The following ACSBG1 variants were observed in gnomAD, a reference collection of about 807,000 sequenced individuals.
ACSBG1 encodes the protein acyl-CoA synthetase bubblegum family member 1.
ACSBG1 carries 39 observed loss-of-function variants against 80.2 expected under a neutral mutation model. The ratio of observed to expected loss-of-function variants is 0.49; its 90% CI spans 0.38 to 0.64. The LOEUF is 0.64. Among genes scored for constraint, ACSBG1 ranks in the 30% least tolerant of loss-of-function variants. The pLI, the probability that ACSBG1 is intolerant of heterozygous loss-of-function variation, is 0.00. For missense variants in ACSBG1, 828 were observed against 966.4 expected (o/e 0.86, Z 1.90); for synonymous variants, 392 against 379.5 (o/e 1.03, Z -0.38).
intron 1 of ACSBG1, among the ~76,000 whole-genome samples, chr15:78,218,010 A>G (rs1169296560): frequency 6.6e-6 from 1 of 152,184 alleles, no homozygotes; most frequent in Non-Finnish European, 1.5e-5. Context: ...CAAAGCTGAC[A>G]TAATTTCAGC....
chr15:78,225,299 G>C (rs1190270183), intron 1 of ACSBG1, among the ~76,000 whole-genome samples: 2 of 151,914 alleles, frequency 1.3e-5, no homozygotes, highest in Admixed American at 6.6e-5. Flanking sequence ...TGCTTGGGAG[G>C]TTGAGGCAGG....
rs527360632 is a variant in ACSBG1 at position 78,194,117 on chromosome 15, G to C, written c.454-97C>G. ...CCACCCAGACTGCAGGGGACCTGCA[G>C]GCTCCACCCTCCCAGGGTCCCCTCA... On this transcript the variant is annotated intron_variant, in intron 3 of 13. Transcript: ENST00000258873. The C allele has an allele frequency of 5.0e-6, 6 of 1,204,646 alleles. 1 individual carries two copies. In the East Asian group the frequency reaches 9.8e-5, roughly 20 times the overall value. 74.6% of individuals were successfully genotyped at this position (1,204,646 alleles called of 1,614,324 possible). A position where few individuals can be genotyped will look rare whatever the true frequency, so the allele number is the denominator to read the frequency against.
intron 1 of ACSBG1, among the ~76,000 whole-genome samples, chr15:78,223,707 G>C (rs573732431): frequency 7.5e-4 from 114 of 152,322 alleles, no homozygotes; most frequent in Non-Finnish European, 1.4e-3. Flanking sequence ...CCAGCAAATG[G>C]AAAGCTGTTA....
chr15:78,181,494 T>C (rs976683327), intron 8 of ACSBG1, among the ~76,000 whole-genome samples: 16 of 141,446 alleles, frequency 1.1e-4, no homozygotes, highest in Middle Eastern at 6.9e-3. Context: ...GGTTTCTTTT[T>C]TTTTTTTTTT....
At chr15:78,229,269 T>G (rs2075428176) in intron 1 of ACSBG1, among the ~76,000 whole-genome samples, 1 of 152,208 alleles carries the variant, frequency 6.6e-6, no homozygotes, top group African/African-American at 2.4e-5. Context: ...AATGAATGCA[T>G]TCTTAACAAA....
In ACSBG1 at chr15:78,171,169, C is replaced by G; in HGVS notation, c.*275G>C. 1 of 282,314 alleles carries G rather than the reference C, an allele frequency of 3.5e-6. No individual in the cohort carries two copies. Among genetic ancestry groups the G allele is most frequent in the Non-Finnish European group, 6.8e-6 (1 of 147,620 alleles). The allele number at this position is 282,314 out of a possible 1,614,324, so 17.5% of individuals were successfully genotyped here. A position where few individuals can be genotyped will look rare whatever the true frequency, so the allele number is the denominator to read the frequency against. ...GGAACTAAGGCCAAAAATTATCAGC[C>G]CTTTCGTTCTGGAAGGAGAGCTGAT... On this transcript the variant is annotated 3_prime_UTR_variant, in exon 14 of 14. Transcript: ENST00000258873.
rs542716121 is a variant in ACSBG1, at chr15:78,208,282, T to C, written c.132-180A>G. On this transcript the variant is annotated intron_variant, in intron 1 of 13. Coordinates refer to ENST00000258873, the MANE Select transcript of ACSBG1 (RefSeq NM_015162.5). ...CCAGTGGGAGTCAGGGGACAAGACCTCAGTGGTTGTAGGGGCTGACCCTGC... is the reference window on the plus strand; with the variant it reads ...CCAGTGGGAGTCAGGGGACAAGACCCCAGTGGTTGTAGGGGCTGACCCTGC... 2.0e-5 allele frequency among the ~76,000 whole-genome samples: 3 copies of C among 152,130 alleles called. No individual in the cohort carries two copies. In the East Asian group the frequency reaches 5.8e-4, roughly 29 times the overall value.
At chr15:78,193,848 CT>C in intron 4 of ACSBG1, 83 bp downstream of exon 4, 1 of 1,517,672 alleles carries the variant, frequency 6.6e-7, no homozygotes, top group East Asian at 2.4e-5. Flanking sequence ...TGGGTGGGGG[CT>C]GCTAAAAAGA....
At chr15:78,207,928 ACCC>A in intron 2 of ACSBG1, 71 bp downstream of exon 2, 2 of 383,778 alleles carry the variant, frequency 5.2e-6, no homozygotes, top group Non-Finnish European at 1.0e-5. Context: ...CCCCCACACC[ACCC>A]ACCCCTCCAG....
Position 78,178,849 on chromosome 15 carries a change from G to A in ACSBG1, c.1485-18C>T, listed in dbSNP as rs753417758. The A allele has an allele frequency of 2.1e-5, 33 of 1,591,058 alleles. 1 individual carries two copies. Among genetic ancestry groups the A allele is most frequent in the South Asian group, 9.0e-5 (8 of 88,400 alleles). On this transcript the variant is annotated intron_variant, in intron 10 of 13. Coordinates refer to ENST00000258873, the MANE Select transcript of ACSBG1 (RefSeq NM_015162.5). This position sits in a 1 kb window ranked among gnomAD's most constrained non-coding sequence, Gnocchi z 4.3. Reference sequence around the variant, plus strand: ...TGCCTGAGCTGGCGAGGGAGGGGCCGGGAGACTGGTCAGAGGGAGCCGTCT... The same window carrying A: ...TGCCTGAGCTGGCGAGGGAGGGGCCAGGAGACTGGTCAGAGGGAGCCGTCT...
chr15:78,176,043 C>G (rs1313572904), intron 11 of ACSBG1, among the ~76,000 whole-genome samples: 2 of 149,902 alleles, frequency 1.3e-5, no homozygotes, highest in African/African-American at 5.0e-5. Context: ...AAAATTTTTA[C>G]AGCAAACATA....
intron 1 of ACSBG1, among the ~76,000 whole-genome samples, chr15:78,223,048 C>T (rs2075371045): frequency 6.6e-6 from 1 of 152,184 alleles, no homozygotes; most frequent in South Asian, 2.1e-4. Flanking sequence ...GGACTGCCTT[C>T]TAACTAACAC....
In ACSBG1 at chr15:78,178,598, G is replaced by A. The variant is rs374210790; in HGVS notation, c.1702+16C>T. On this transcript the variant is annotated intron_variant, in intron 11 of 13. Transcript: ENST00000258873. The surrounding 1 kb of genome is among the most constrained non-coding windows in gnomAD (Gnocchi z 4.3). ...ATTACAGGCATGAGCCACCGTGCCT[G>A]GCCTGGGGTGCTCACCTTTGAGGCG... The A allele has an allele frequency of 5.2e-4, 824 of 1,597,566 alleles. No homozygotes were observed. The highest frequency in any genetic ancestry group is 9.1e-4 in the South Asian group (81 of 88,982).
chr15:78,174,789 A>G, intron 11 of ACSBG1: 1 of 493,184 alleles, frequency 2.0e-6, no homozygotes. Context: ...CATCTCATCC[A>G]TGGCCCCCTT....
chr15:78,234,150 G>T (rs912933101), intron 1 of ACSBG1, among the ~76,000 whole-genome samples: 1 of 152,228 alleles, frequency 6.6e-6, no homozygotes, highest in Admixed American at 6.5e-5. Context: ...ATACCCCTGG[G>T]ATGTGCCTCA....
intron 5 of ACSBG1, among the ~76,000 whole-genome samples, chr15:78,189,518 G>A (rs1302474961): frequency 1.3e-5 from 2 of 152,144 alleles, no homozygotes; most frequent in Non-Finnish European, 2.9e-5. Flanking sequence ...CATGTCCTTT[G>A]TAGGGACATG....
intron 5 of ACSBG1, among the ~76,000 whole-genome samples, chr15:78,192,935 T>C (rs1194098499): frequency 6.6e-6 from 1 of 152,102 alleles, no homozygotes; most frequent in East Asian, 1.9e-4. Context: ...GTATGGTGCA[T>C]GCAGGGACAG....
intron 2 of ACSBG1, among the ~76,000 whole-genome samples, chr15:78,195,454 G>A (rs2075104734): frequency 6.8e-6 from 1 of 147,972 alleles, no homozygotes; most frequent in African/African-American, 2.7e-5. Flanking sequence ...TGTCTGGGGT[G>A]CCACCCTGCC....
At chr15:78,230,655 G>T (rs2075438429) in intron 1 of ACSBG1, among the ~76,000 whole-genome samples, 1 of 152,168 alleles carries the variant, frequency 6.6e-6, no homozygotes. Flanking sequence ...TCCTTCCCGT[G>T]CTGTTCTCGT....
Sources: allele counts gnomAD v4.1 joint callset (sites outside exome capture counted in the v4.1 genomes callset), GRCh38; gene constraint gnomAD v4.1.1; non-coding constraint Gnocchi (gnomAD v3.1); transcripts MANE v1.5; gene names NCBI Gene and HGNC (gene_info 2026-07-23, HGNC 2026-07-21).